ANKRD30BL: variants seen among roughly 807,000 people sequenced by gnomAD.
ANKRD30BL encodes the protein putative ankyrin repeat domain-containing protein 30B-like.
ANKRD30BL carries 20 observed loss-of-function variants against 18.4 expected under a neutral mutation model. The ratio of observed to expected loss-of-function variants is 1.09; its 90% confidence interval spans 0.77 to 1.58. ANKRD30BL has a LOEUF of 1.58. Among genes scored for constraint, ANKRD30BL ranks in the 40% most tolerant of loss-of-function variants. ANKRD30BL has a pLI of 0.00. For missense variants in ANKRD30BL, 224 were observed against 268.6 expected, an observed-to-expected ratio of 0.83 and a Z score of 1.16; for synonymous variants, 72 against 100.9, an observed-to-expected ratio of 0.71 and a Z score of 1.72.
At chr2:132,193,394 C>T (rs1262026871) in intron 1 of ANKRD30BL, among the ~76,000 whole-genome samples, 1 of 152,098 alleles carries the variant, frequency 6.6e-6, no homozygotes, top group Admixed American at 6.6e-5. Context: ...GGGACATATC[C>T]TTATTCCAGG....
chr2:132,200,407 C>A (rs867415890), intron 1 of ANKRD30BL, among the ~76,000 whole-genome samples: 7 of 152,100 alleles, frequency 4.6e-5, no homozygotes, highest in Admixed American at 6.6e-5. Context: ...ATTGTCTCAG[C>A]CCAAAATCTC....
At chr2:132,194,965 A>T (rs991772863) in intron 1 of ANKRD30BL, among the ~76,000 whole-genome samples, 4 of 152,206 alleles carry the variant, frequency 2.6e-5, no homozygotes, top group African/African-American at 9.7e-5. Context: ...TTTATGAAGT[A>T]AATTTATATT....
chr2:132,214,763 G>A (rs1221450077), intron 1 of ANKRD30BL, among the ~76,000 whole-genome samples: 1 of 151,168 alleles, frequency 6.6e-6, no homozygotes, highest in African/African-American at 2.4e-5. Context: ...TGATTGAATA[G>A]TTTGGAAACT....
intron 1 of ANKRD30BL, among the ~76,000 whole-genome samples, chr2:132,207,708 A>G (rs917213394): frequency 1.3e-5 from 2 of 152,154 alleles, no homozygotes; most frequent in South Asian, 4.1e-4. Context: ...CCTCCTCAGG[A>G]ATCCAGTCAT....
At chr2:132,211,393 T>A (rs938724853) in intron 1 of ANKRD30BL, among the ~76,000 whole-genome samples, 2 of 151,658 alleles carry the variant, frequency 1.3e-5, no homozygotes, top group Non-Finnish European at 2.9e-5. Context: ...AAAGGAAATA[T>A]TTTCACGTAA....
intron 1 of ANKRD30BL, among the ~76,000 whole-genome samples, chr2:132,206,720 T>G (rs1021264910): frequency 1.3e-5 from 2 of 152,226 alleles, no homozygotes; most frequent in African/African-American, 4.8e-5. Context: ...TTCCTACATC[T>G]GCTGTGACAA....
At chr2:132,213,768 A>G (rs1299347682) in intron 1 of ANKRD30BL, among the ~76,000 whole-genome samples, 1 of 152,060 alleles carries the variant, frequency 6.6e-6, no homozygotes, top group Non-Finnish European at 1.5e-5. Context: ...TAGAATCTGC[A>G]ATGGACATTT....
intron 1 of ANKRD30BL, among the ~76,000 whole-genome samples, chr2:132,237,643 T>G (rs77324910): frequency 3.3e-5 from 5 of 152,090 alleles, no homozygotes; most frequent in South Asian, 2.1e-4. Context: ...ACAGGAGCAT[T>G]CTCAGAAACT....
intron 1 of ANKRD30BL, among the ~76,000 whole-genome samples, chr2:132,170,367 C>T (rs1459181841): frequency 1.3e-5 from 2 of 152,130 alleles, no homozygotes; most frequent in Non-Finnish European, 2.9e-5. Context: ...TCCTGCTACC[C>T]AGCTTCCTGC....
chr2:132,256,214 G>A (rs1680829505), intron 1 of ANKRD30BL, among the ~76,000 whole-genome samples: 2 of 152,054 alleles, frequency 1.3e-5, no homozygotes, highest in South Asian at 4.1e-4. Flanking sequence ...GCGGCCTCTG[G>A]GACTCGCGAG....
At chr2:132,240,668 T>A (rs1157882706) in intron 1 of ANKRD30BL, among the ~76,000 whole-genome samples, 1 of 151,332 alleles carries the variant, frequency 6.6e-6, no homozygotes, top group Non-Finnish European at 1.5e-5. Flanking sequence ...TATCTTCACA[T>A]AAAAACTAGA....
At chr2:132,160,414 T>C (rs1308973146) in intron 1 of ANKRD30BL, among the ~76,000 whole-genome samples, 1 of 148,232 alleles carries the variant, frequency 6.7e-6, no homozygotes, top group Non-Finnish European at 1.5e-5. Flanking sequence ...TTTTTTTTTT[T>C]TTTTCAAATT....
chr2:132,216,007 T>C (rs552915273), intron 1 of ANKRD30BL, among the ~76,000 whole-genome samples: 8 of 152,092 alleles, frequency 5.3e-5, no homozygotes, highest in Admixed American at 2.6e-4. Context: ...TTTGGAACAC[T>C]TTGAGGCCTA....
chr2:132,209,617 C>T (rs557345587), intron 1 of ANKRD30BL, among the ~76,000 whole-genome samples: 1,783 of 152,098 alleles, frequency 0.012, 34 homozygotes, highest in African/African-American at 0.041. Context: ...TTTTGAAACA[C>T]TTCTTTTGAA....
chr2:132,211,355 T>C (rs1378908832), intron 1 of ANKRD30BL, among the ~76,000 whole-genome samples: 1 of 151,974 alleles, frequency 6.6e-6, no homozygotes, highest in African/African-American at 2.4e-5. Context: ...CCAGTGGTTA[T>C]TTTGAGCGCT....
At chr2:132,225,610 C>T (rs138599517) in intron 1 of ANKRD30BL, among the ~76,000 whole-genome samples, 2 of 151,984 alleles carry the variant, frequency 1.3e-5, no homozygotes, top group Non-Finnish European at 2.9e-5. Flanking sequence ...TTTGTAGAGT[C>T]TACAAGTGGA....
At chr2:132,165,339 T>C (rs1452979306), upstream of ANKRD30BL, among the ~76,000 whole-genome samples, 3 of 151,804 alleles carry the variant, frequency 2.0e-5, no homozygotes. Context: ...CTGCTATATA[T>C]ATATTCATGT....
intron 1 of ANKRD30BL, among the ~76,000 whole-genome samples, chr2:132,238,008 C>T (rs374200275): frequency 6.6e-6 from 1 of 151,714 alleles, no homozygotes; most frequent in Non-Finnish European, 1.5e-5. Context: ...CTTTGTGCTG[C>T]TTGCATTCAA....
At position 132,230,447 on chromosome 2, in the gene ANKRD30BL, G is replaced by A. The variant is rs954035963; in HGVS notation, n.441+27082C>T. The stretch of plus-strand genomic sequence containing the variant: ...TGCAAGTGGACAAATGGAGCGCTTT[G>A]AGGGCTATGGTTGAAAAGGAAATAT... On this transcript the variant is annotated intron_variant and non_coding_transcript_variant, in intron 1 of 4. Coordinates refer to the ANKRD30BL transcript ENST00000470729. 2.6e-5 allele frequency among the ~76,000 whole-genome samples: 4 copies of A among 152,034 alleles called. No individual in the cohort carries two copies. In the East Asian group the frequency reaches 5.8e-4, roughly 22 times the overall value.
Sources: allele counts gnomAD v4.1 joint callset (sites outside exome capture counted in the v4.1 genomes callset), GRCh38; gene constraint gnomAD v4.1.1; transcripts MANE v1.5; gene names NCBI Gene and HGNC (gene_info 2026-07-23, HGNC 2026-07-21).